Variants in SPATA17 observed in about 807,000 individuals in gnomAD.
SPATA17 encodes the protein spermatogenesis-associated protein 17.
A neutral mutation model predicts 62.2 loss-of-function variants in SPATA17; 53 were observed. That is an observed-to-expected ratio of 0.85 (90% CI 0.68 to 1.07). SPATA17 has a LOEUF of 1.07. Ranked by LOEUF, SPATA17 falls within the 50% of genes least tolerant of loss-of-function variation. The pLI is 0.00. For synonymous variants in SPATA17, 146 were observed against 146.8 expected (o/e 0.99, Z 0.04); for missense variants, 466 against 425.5 (o/e 1.10, Z -0.84).
intron 5 of SPATA17, among the ~76,000 whole-genome samples, chr1:217,712,403 G>A (rs1473274459): frequency 6.6e-6 from 1 of 152,068 alleles, no homozygotes; most frequent in Non-Finnish European, 1.5e-5. Flanking sequence ...TGGGATTACA[G>A]GCGTGAGCCA....
intron 6 of SPATA17, among the ~76,000 whole-genome samples, chr1:217,765,573 T>C (rs1366089183): frequency 1.3e-5 from 2 of 151,932 alleles, no homozygotes; most frequent in East Asian, 3.9e-4. Flanking sequence ...AGGTCTCCAG[T>C]TTTCTTTCTG....
At position 217,828,026 on chromosome 1, in the gene SPATA17, C is replaced by T. The variant is rs548692121; in HGVS notation, c.1005+26176C>T. Among the ~76,000 whole-genome samples, 8 of 152,200 alleles carry T rather than the reference C, an allele frequency of 5.3e-5. No individual in the cohort carries two copies. In the South Asian group the frequency reaches 1.7e-3, roughly 32 times the overall value. On this transcript the variant is annotated intron_variant, in intron 9 of 10. Coordinates refer to ENST00000366933, the MANE Select transcript of SPATA17 (RefSeq NM_138796.4). ...AAATGTGCACATTTGGCACACGTAC[C>T]TGGGAACTTAAAAAAATTATAATGA...
chr1:217,690,418 C>T (rs1169909617), intron 5 of SPATA17, among the ~76,000 whole-genome samples: 1 of 149,634 alleles, frequency 6.7e-6, no homozygotes, highest in Non-Finnish European at 1.5e-5. Flanking sequence ...TTTTTCATTT[C>T]TAAAAAGTAC....
At chr1:217,724,763 T>C (rs1235661309) in intron 5 of SPATA17, among the ~76,000 whole-genome samples, 1 of 152,148 alleles carries the variant, frequency 6.6e-6, no homozygotes, top group Non-Finnish European at 1.5e-5. Flanking sequence ...ATTTTATTAA[T>C]TTGAATATCT....
intron 4 of SPATA17, among the ~76,000 whole-genome samples, chr1:217,676,152 T>C (rs771380751): frequency 2.6e-5 from 4 of 152,156 alleles, no homozygotes; most frequent in Non-Finnish European, 5.9e-5. Flanking sequence ...AGATGGCTCA[T>C]GACGAAAAAC....
chr1:217,847,932 C>T (rs891808217), intron 9 of SPATA17, among the ~76,000 whole-genome samples: 6 of 151,656 alleles, frequency 4.0e-5, no homozygotes, highest in African/African-American at 7.3e-5. Flanking sequence ...TGTGGGAGGC[C>T]GATGTGGGAG....
chr1:217,776,866 C>T (rs892159753), intron 7 of SPATA17, among the ~76,000 whole-genome samples: 1 of 152,014 alleles, frequency 6.6e-6, no homozygotes, highest in African/African-American at 2.4e-5. Context: ...CATGGTAACT[C>T]ATTTCCCTCT....
At chr1:217,842,478 A>C (rs2103007527) in intron 9 of SPATA17, among the ~76,000 whole-genome samples, 1 of 152,106 alleles carries the variant, frequency 6.6e-6, no homozygotes, top group South Asian at 2.1e-4. Context: ...TTAATACATA[A>C]AGGACAATTC....
At chr1:217,643,737 T>A (rs1348049836) in intron 1 of SPATA17, among the ~76,000 whole-genome samples, 1 of 67,540 alleles carries the variant, frequency 1.5e-5, no homozygotes, top group African/African-American at 4.9e-5. Flanking sequence ...TATATATAAT[T>A]TTTTTTTTTT....
At chr1:217,705,430 CTTTTTTT>C (rs58138326) in intron 5 of SPATA17, among the ~76,000 whole-genome samples, 2 of 46,626 alleles carry the variant, frequency 4.3e-5, no homozygotes, top group African/African-American at 8.7e-5. Context: ...TTCTAGTTGT[CTTTTTTT>C]TTTTTTTTTT....
chr1:217,833,322 A>T (rs1220680834), intron 9 of SPATA17, among the ~76,000 whole-genome samples: 1 of 152,244 alleles, frequency 6.6e-6, no homozygotes, highest in African/African-American at 2.4e-5. Flanking sequence ...CTGGAGAAGA[A>T]GTAACCAAAG....
chr1:217,817,724 C>G (rs1230357847), intron 9 of SPATA17, among the ~76,000 whole-genome samples: 1 of 152,044 alleles, frequency 6.6e-6, no homozygotes, highest in Non-Finnish European at 1.5e-5. Context: ...TTTAAATGGG[C>G]TATATTACGT....
rs1234128977 is a variant in SPATA17, at chr1:217,651,096, G to A, written c.159-1G>A. On this transcript the variant is annotated splice_acceptor_variant, in intron 2 of 10. Transcript: ENST00000366933. LOFTEE classifies it high-confidence loss of function. ...TAATAAGCATATTTTTTTTATCCTA[G>A]GCATTTAAACAGGATTGTAACAATT... The A allele has an allele frequency of 6.3e-7, 1 of 1,596,954 alleles. No individual in the cohort carries two copies. The highest frequency in any genetic ancestry group is 1.4e-5 in the African/African-American group (1 of 74,018).
intron 1 of SPATA17, among the ~76,000 whole-genome samples, chr1:217,633,766 G>C (rs191745654): frequency 1.3e-5 from 2 of 152,166 alleles, no homozygotes; most frequent in Non-Finnish European, 2.9e-5. Context: ...TTCTGTTTTC[G>C]TAACAAGGTA....
At chr1:217,811,636 T>C (rs934646666) in intron 9 of SPATA17, among the ~76,000 whole-genome samples, 11 of 148,294 alleles carry the variant, frequency 7.4e-5, no homozygotes, top group African/African-American at 2.5e-4. Flanking sequence ...GAGGTTGGAG[T>C]GAACAGAAAT....
intron 9 of SPATA17, 112 bp downstream of exon 9, chr1:217,801,962 C>A: frequency 9.0e-7 from 1 of 1,111,182 alleles, no homozygotes; most frequent in Non-Finnish European, 1.2e-6. Context: ...ATGGTAACAA[C>A]ATTTTTTATA....
chr1:217,765,750 AGAG>A (rs1431282563), intron 6 of SPATA17, among the ~76,000 whole-genome samples: 1 of 152,002 alleles, frequency 6.6e-6, no homozygotes. Context: ...TTTCTGATAG[AGAG>A]GTGTTGAATT....
chr1:217,749,985 C>CTCTGTATATA, intron 6 of SPATA17, among the ~76,000 whole-genome samples: 140 of 12,318 alleles, frequency 0.011, 6 homozygotes, highest in African/African-American at 0.041. Context: ...CTCTCTCTCT[C>CTCTGTATATA]TATATATATA....
intron 9 of SPATA17, among the ~76,000 whole-genome samples, chr1:217,814,682 C>T (rs543121325): frequency 3.1e-4 from 47 of 151,718 alleles, no homozygotes; most frequent in African/African-American, 9.9e-4. Context: ...ACCCTGTCTC[C>T]GCAAAAAAAT....
Sources: allele counts gnomAD v4.1 joint callset (sites outside exome capture counted in the v4.1 genomes callset), GRCh38; gene constraint gnomAD v4.1.1; transcripts MANE v1.5; gene names NCBI Gene and HGNC (gene_info 2026-07-23, HGNC 2026-07-21).